Variants in PGM5 observed in about 807,000 individuals in gnomAD.
PGM5 encodes phosphoglucomutase 5.
PGM5 carries 23 observed loss-of-function variants against 59.2 expected under a neutral mutation model. That is an observed-to-expected ratio of 0.39 (90% CI 0.28 to 0.55). The LOEUF is 0.55. PGM5 is among the 20% of genes least tolerant of loss of function. The pLI is 0.66. For missense variants in PGM5, 574 were observed against 748.3 expected (o/e 0.77, Z 2.72); for synonymous variants, 214 against 286.0 (o/e 0.75, Z 2.54).
intron 6 of PGM5, among the ~76,000 whole-genome samples, chr9:68,434,156 A>G (rs1005914937): frequency 6.6e-6 from 1 of 151,716 alleles, no homozygotes; most frequent in Non-Finnish European, 1.5e-5. Flanking sequence ...GTCTCTACTA[A>G]AAATACAAAA....
intron 1 of PGM5, among the ~76,000 whole-genome samples, chr9:68,372,142 A>T (rs1821751568): frequency 1.3e-5 from 2 of 152,000 alleles, no homozygotes; most frequent in African/African-American, 4.8e-5. Context: ...ATTTCCTAGG[A>T]CTCCCATAAC....
At chr9:68,386,576 G>A (rs1281116074) in intron 3 of PGM5, among the ~76,000 whole-genome samples, 5 of 152,212 alleles carry the variant, frequency 3.3e-5, no homozygotes, top group South Asian at 2.1e-4. Flanking sequence ...AAGTTTAAAA[G>A]TATTTCAGGG....
intron 6 of PGM5, among the ~76,000 whole-genome samples, chr9:68,412,570 T>G (rs1822952672): frequency 6.6e-6 from 1 of 152,192 alleles, no homozygotes; most frequent in South Asian, 2.1e-4. Context: ...CGTTGATGGA[T>G]CCATCTGCAC....
rs140141108 is a variant in PGM5, at chr9:68,380,438, C to T, written c.424+2077C>T. On this transcript the variant is annotated intron_variant, in intron 2 of 10. Transcript: ENST00000396396. ...ACAATGTATCAAAACCTACAGTATGCGGCAAAGTCAGTTCTAAGAGAGAAG... is the reference window on the plus strand; with the variant it reads ...ACAATGTATCAAAACCTACAGTATGTGGCAAAGTCAGTTCTAAGAGAGAAG... 7.0e-4 allele frequency among the ~76,000 whole-genome samples: 106 copies of T among 151,792 alleles called. 2 individuals carry two copies. The East Asian group carries it at 0.013, about 19-fold the overall frequency.
At chr9:68,491,221 T>A (rs1393046426) in intron 9 of PGM5, among the ~76,000 whole-genome samples, 1 of 152,044 alleles carries the variant, frequency 6.6e-6, no homozygotes, top group East Asian at 1.9e-4. Context: ...TACTGTAGAG[T>A]TTGTTGAACG....
chr9:68,501,922 A>C (rs1824580305), intron 10 of PGM5, among the ~76,000 whole-genome samples: 1 of 152,252 alleles, frequency 6.6e-6, no homozygotes, highest in South Asian at 2.1e-4. Context: ...TAACAATCCT[A>C]GTGATGCAAT....
intron 6 of PGM5, among the ~76,000 whole-genome samples, chr9:68,461,699 C>T (rs920046068): frequency 2.0e-5 from 3 of 152,042 alleles, no homozygotes; most frequent in Non-Finnish European, 2.9e-5. Context: ...GATGCTGGTG[C>T]CTTGATCTCA....
Position 68,422,151 on chromosome 9 carries a change from C to A in PGM5, c.1043+29678C>A, listed in dbSNP as rs192503063. On this transcript the variant is annotated intron_variant, in intron 6 of 10. Coordinates refer to ENST00000396396, the MANE Select transcript of PGM5 (RefSeq NM_021965.4). ...AGAGACCTTACTGTAATTTTCCTAA[C>A]TTTTGATAGACCAAGTAGCCAAGTA... Among the ~76,000 whole-genome samples the A allele has an allele frequency of 4.2e-4, 64 of 151,872 alleles. No homozygotes were observed. In the East Asian group the frequency reaches 0.011, roughly 26 times the overall value.
intron 6 of PGM5, among the ~76,000 whole-genome samples, chr9:68,462,492 T>A (rs1823871040): frequency 6.6e-6 from 1 of 152,150 alleles, no homozygotes; most frequent in Non-Finnish European, 1.5e-5. Context: ...TTGGCTTGGA[T>A]AGCTGCAACT....
At chr9:68,430,217 A>G (rs1420198505) in intron 6 of PGM5, among the ~76,000 whole-genome samples, 1 of 152,124 alleles carries the variant, frequency 6.6e-6, no homozygotes, top group Non-Finnish European at 1.5e-5. Context: ...GATATTTGTC[A>G]TCATTCTGCA....
intron 10 of PGM5, among the ~76,000 whole-genome samples, chr9:68,520,300 C>T (rs1042484133): frequency 1.3e-4 from 20 of 150,872 alleles, no homozygotes. Flanking sequence ...GAGTTAAATC[C>T]CCCAGGAAGA....
At chr9:68,370,908 A>G (rs1321557245) in intron 1 of PGM5, among the ~76,000 whole-genome samples, 1 of 152,226 alleles carries the variant, frequency 6.6e-6, no homozygotes, top group Non-Finnish European at 1.5e-5. Context: ...ATGGCTAGGT[A>G]GGAACAAATT....
intron 6 of PGM5, among the ~76,000 whole-genome samples, chr9:68,463,326 ACAGCCTT>A (rs1407052025): frequency 2.6e-5 from 4 of 151,982 alleles, no homozygotes; most frequent in African/African-American, 9.7e-5. Flanking sequence ...CCCTGCACTC[ACAGCCTT>A]CAAATAACTA....
chr9:68,411,755 T>C (rs1822939350), intron 6 of PGM5, among the ~76,000 whole-genome samples: 1 of 152,160 alleles, frequency 6.6e-6, no homozygotes, highest in African/African-American at 2.4e-5. Flanking sequence ...ATGCATGGAA[T>C]GCCACAATAG....
At chr9:68,420,254 C>G (rs1387632356) in intron 6 of PGM5, among the ~76,000 whole-genome samples, 2 of 152,168 alleles carry the variant, frequency 1.3e-5, no homozygotes, top group African/African-American at 4.8e-5. Context: ...GCTGCTTTGT[C>G]ATCTGTGATT....
intron 1 of PGM5, among the ~76,000 whole-genome samples, chr9:68,361,790 G>T (rs544736633): frequency 6.6e-6 from 1 of 151,864 alleles, no homozygotes; most frequent in East Asian, 1.9e-4. Context: ...AGACATACAC[G>T]TTCAGCCCAT....
At chr9:68,516,842 A>G (rs1259745416) in intron 10 of PGM5, among the ~76,000 whole-genome samples, 1 of 151,826 alleles carries the variant, frequency 6.6e-6, no homozygotes, top group Non-Finnish European at 1.5e-5. Context: ...TTTCATGTTT[A>G]TATAGTTCTG....
intron 10 of PGM5, among the ~76,000 whole-genome samples, chr9:68,525,021 A>G (rs1353455412): frequency 6.6e-6 from 1 of 152,194 alleles, no homozygotes; most frequent in Non-Finnish European, 1.5e-5. Flanking sequence ...TCCACAGTTC[A>G]TAACCCCTCT....
At position 68,499,251 on chromosome 9, in the gene PGM5, G is replaced by A; in HGVS notation, c.1504G>A (p.Ala502Thr). The change falls in exon 10 of 11, where the codon GCA becomes ACA. Residue 502 changes from alanine (A) to threonine (T), a missense_variant. Physicochemically the swap from Ala to Thr is moderately conservative, Grantham distance 58. Transcript: ENST00000396396. ...GGGCCTAAGGATCATTTTCTCGGAT[G>A]CATCACGGCTCATCTTCCGGCTCAG... ...KQGLRIIFSD[A>T]SRLIFRLSSS... 1 of 1,614,194 alleles carries A rather than the reference G, an allele frequency of 6.2e-7. No individual in the cohort carries two copies. Among genetic ancestry groups the A allele is most frequent in the Non-Finnish European group, 8.5e-7 (1 of 1,180,026 alleles).
Sources: gnomAD v4.1 joint callset for allele counts (sites outside exome capture counted in the v4.1 genomes callset) on GRCh38, gnomAD v4.1.1 for gene constraint, MANE v1.5 for transcripts, NCBI Gene and HGNC (gene_info 2026-07-23, HGNC 2026-07-21) for gene names.